Variants in ANO3 observed in about 807,000 individuals in gnomAD.
ANO3 encodes anoctamin-3.
A neutral mutation model predicts 144.8 loss-of-function variants in ANO3; 99 were observed. The ratio of observed to expected loss-of-function variants is 0.68; its 90% CI spans 0.58 to 0.81. The LOEUF is 0.81. ANO3 is among the 30% of genes least tolerant of loss of function. The pLI is 0.00. For missense variants in ANO3, 905 were observed against 1,202.2 expected, an observed-to-expected ratio of 0.75 and a Z score of 3.66; for synonymous variants, 414 against 392.6, an observed-to-expected ratio of 1.05 and a Z score of -0.64.
At chr11:26,265,547 C>T (rs1853290079) in intron 1 of ANO3, among the ~76,000 whole-genome samples, 1 of 152,148 alleles carries the variant, frequency 6.6e-6, no homozygotes, top group Non-Finnish European at 1.5e-5. Context: ...ACAGTCTCAG[C>T]ATTACTGAAA....
chr11:26,510,618 T>C (rs561083421), intron 5 of ANO3, among the ~76,000 whole-genome samples: 3 of 152,330 alleles, frequency 2.0e-5, no homozygotes, highest in African/African-American at 7.2e-5. Context: ...CAGCACATTA[T>C]TTTGGCTAGC....
intron 14 of ANO3, among the ~76,000 whole-genome samples, chr11:26,590,746 T>C (rs1590598894): frequency 6.6e-6 from 1 of 152,212 alleles, no homozygotes; most frequent in Non-Finnish European, 1.5e-5. Context: ...GGCGCCTCGC[T>C]GGATCAGGAG....
chr11:26,547,411 T>C lies in ANO3; in HGVS notation c.1155-5T>C, dbSNP rs1849814893. On this transcript the variant is annotated splice_region_variant and splice_polypyrimidine_tract_variant and intron_variant, in intron 11 of 26. Transcript: ENST00000256737. ...CTCAGTCTAAGGATTTGCTTTCTCA[T>C]GCAGGCTATACTTTGGTGAGAAGAT... 3.7e-6 allele frequency: 6 copies of C among 1,611,058 alleles called. No homozygotes were observed. The highest frequency in any genetic ancestry group is 3.3e-4 in the Middle Eastern group (2 of 6,032).
rs1442627989 is a variant in ANO3, at chr11:26,439,471, T to C, written c.47-2447T>C. ...TCCAGAGACTGAGCTGAAGAGGAAA[T>C]GGGGATCGGCTGCGAATAGGTATGA... is the stretch of plus-strand genomic sequence containing the variant. On this transcript the variant is annotated intron_variant, in intron 1 of 26. Transcript: ENST00000256737. Among the ~76,000 whole-genome samples the C allele has an allele frequency of 5.3e-5, 8 of 152,072 alleles. No individual in the cohort carries two copies. The East Asian group carries it at 1.4e-3, about 26-fold the overall frequency.
chr11:26,195,822 G>A (rs1851575947), intron 1 of ANO3, among the ~76,000 whole-genome samples: 1 of 152,082 alleles, frequency 6.6e-6, no homozygotes, highest in African/African-American at 2.4e-5. Context: ...GGAGATTTTA[G>A]AACTTGTGCA....
intron 1 of ANO3, among the ~76,000 whole-genome samples, chr11:26,335,272 GAC>G (rs1467262352): frequency 5.3e-5 from 8 of 152,158 alleles, no homozygotes; most frequent in African/African-American, 1.9e-4. Context: ...CAGTTTGTCT[GAC>G]ACACAGTTGG....
intron 18 of ANO3, among the ~76,000 whole-genome samples, chr11:26,627,814 A>AT (rs890249102): frequency 3.0e-5 from 4 of 131,282 alleles, no homozygotes; most frequent in African/African-American, 8.6e-5. Flanking sequence ...AATAGAATCT[A>AT]GTGTGTGTGT....
chr11:26,547,553 A>G lies in ANO3; in HGVS notation c.1289+3A>G, dbSNP rs1590504016. 1 of 1,610,982 alleles carries G rather than the reference A, an allele frequency of 6.2e-7. No homozygotes were observed. Among genetic ancestry groups the G allele is most frequent in the East Asian group, 2.2e-5 (1 of 44,770 alleles). On this transcript the variant is annotated splice_donor_region_variant and intron_variant, in intron 12 of 26. Coordinates refer to ENST00000256737, the MANE Select transcript of ANO3 (RefSeq NM_031418.4). Reference sequence around the variant, plus strand: ...ACAATGAATAATAGTCAAGTAAGGTAGGCTATTAAGAGACCTATTAAAAAT... The same window carrying G: ...ACAATGAATAATAGTCAAGTAAGGTGGGCTATTAAGAGACCTATTAAAAAT...
chr11:26,345,841 A>C (rs1289733179), intron 1 of ANO3, among the ~76,000 whole-genome samples: 1 of 152,226 alleles, frequency 6.6e-6, no homozygotes, highest in African/African-American at 2.4e-5. Context: ...AAATATGCCA[A>C]AATAGGTACT....
rs1853684497 is a variant in ANO3, at chr11:26,656,223, C to A, written c.2657+18C>A. 6.3e-7 allele frequency: 1 copy of A among 1,597,992 alleles called. No homozygotes were observed. Among genetic ancestry groups the A allele is most frequent in the Non-Finnish European group, 8.6e-7 (1 of 1,165,994 alleles). On this transcript the variant is annotated intron_variant, in intron 25 of 26. Coordinates refer to ENST00000256737, the MANE Select transcript of ANO3 (RefSeq NM_031418.4). ...TATTGCAGGTACTTATAATAGTTATCTTTCCTGCTTGCTTTCACCATTCCA... is the reference window on the plus strand; with the variant it reads ...TATTGCAGGTACTTATAATAGTTATATTTCCTGCTTGCTTTCACCATTCCA...
chr11:26,271,973 A>G (rs890602559), intron 1 of ANO3, among the ~76,000 whole-genome samples: 14 of 152,170 alleles, frequency 9.2e-5, no homozygotes, highest in Admixed American at 7.2e-4. Flanking sequence ...TTAGGTATTT[A>G]TATCTTTTAA....
chr11:26,231,175 C>A (rs945214216), intron 1 of ANO3, among the ~76,000 whole-genome samples: 3 of 152,150 alleles, frequency 2.0e-5, no homozygotes, highest in Admixed American at 6.5e-5. Context: ...CCACGCTCCA[C>A]CTGAAGTTTC....
At chr11:26,453,921 C>T (rs1351473128) in intron 3 of ANO3, among the ~76,000 whole-genome samples, 2 of 152,144 alleles carry the variant, frequency 1.3e-5, no homozygotes, top group Non-Finnish European at 2.9e-5. Context: ...GATTAAGAAA[C>T]TCACTCAAAA....
At chr11:26,381,191 T>C (rs1254340724) in intron 1 of ANO3, among the ~76,000 whole-genome samples, 1 of 152,132 alleles carries the variant, frequency 6.6e-6, no homozygotes, top group Non-Finnish European at 1.5e-5. Flanking sequence ...TGGGGTAACG[T>C]ATTAGGTAAA....
In ANO3 at chr11:26,501,073, A is replaced by G. The variant is rs563955710; in HGVS notation, c.433-7031A>G. Among the ~76,000 whole-genome samples the G allele has an allele frequency of 2.8e-4, 43 of 152,342 alleles. No individual in the cohort carries two copies. The South Asian group carries it at 8.9e-3, about 32-fold the overall frequency. On this transcript the variant is annotated intron_variant, in intron 4 of 26. Transcript: ENST00000256737. ...AATTCCACCACCAGAAAGTAATGAA[A>G]AACATTCCTATTATTAACAGATTCA...
intron 1 of ANO3, among the ~76,000 whole-genome samples, chr11:26,431,345 A>C (rs1420306726): frequency 6.6e-6 from 1 of 152,246 alleles, no homozygotes; most frequent in Non-Finnish European, 1.5e-5. Flanking sequence ...ATATTACATG[A>C]TGCTGAGATT....
chr11:26,373,984 T>C (rs1856333987), intron 1 of ANO3, among the ~76,000 whole-genome samples: 1 of 152,184 alleles, frequency 6.6e-6, no homozygotes, highest in Admixed American at 6.5e-5. Context: ...TTTATATAGA[T>C]TTAAATCATA....
chr11:26,219,424 CTT>C (rs1440798948), intron 1 of ANO3, among the ~76,000 whole-genome samples: 1 of 152,142 alleles, frequency 6.6e-6, no homozygotes, highest in Non-Finnish European at 1.5e-5. Flanking sequence ...AAGAAGAACT[CTT>C]TAGCAGTGCA....
chr11:26,566,455 G>A (rs1850587963), intron 14 of ANO3, among the ~76,000 whole-genome samples: 1 of 151,734 alleles, frequency 6.6e-6, no homozygotes, highest in Non-Finnish European at 1.5e-5. Flanking sequence ...CATTTTATTA[G>A]TATCTAGTTT....
Sources: allele counts gnomAD v4.1 joint callset (sites outside exome capture counted in the v4.1 genomes callset), GRCh38; gene constraint gnomAD v4.1.1; transcripts MANE v1.5; gene names NCBI Gene and HGNC (gene_info 2026-07-23, HGNC 2026-07-21).